The following STK40 variants were observed in gnomAD, a reference collection of about 807,000 sequenced individuals.
STK40 encodes the protein serine/threonine-protein kinase 40.
Under a neutral mutation model 47.9 loss-of-function variants are expected in STK40, and 13 were observed. The ratio of observed to expected loss-of-function variants is 0.27; its 90% CI spans 0.18 to 0.43. The LOEUF (loss-of-function observed/expected upper bound fraction) is 0.43. Among genes scored for constraint, STK40 ranks in the 20% least tolerant of loss-of-function variants. The probability of loss-of-function intolerance (pLI) is 1.00; values close to 1 mark genes in which losing one functional copy is unlikely to be tolerated. For missense variants in STK40, 460 were observed against 595.1 expected, an observed-to-expected ratio of 0.77 and a Z score of 2.36; for synonymous variants, 225 against 243.2, an observed-to-expected ratio of 0.93 and a Z score of 0.69.
intron 1 of STK40, among the ~76,000 whole-genome samples, chr1:36,374,762 C>A (rs1646977764): frequency 6.6e-6 from 1 of 152,198 alleles, no homozygotes; most frequent in African/African-American, 2.4e-5. Context: ...GTGCCTTCTG[C>A]CATGCGCAGT....
At chr1:36,378,057 T>A (rs1647006876) in intron 1 of STK40, among the ~76,000 whole-genome samples, 1 of 152,250 alleles carries the variant, frequency 6.6e-6, no homozygotes, top group Non-Finnish European at 1.5e-5. Flanking sequence ...CCACATCTGA[T>A]CTGAGCCTAG....
chr1:36,358,648 T>C (rs1646826233), intron 3 of STK40, 89 bp downstream of exon 3: 3 of 1,409,612 alleles, frequency 2.1e-6, no homozygotes, highest in Non-Finnish European at 3.0e-6. Flanking sequence ...TTGTTCACAA[T>C]GACGCAGGTG....
At position 36,358,722 on chromosome 1, in the gene STK40, C is replaced by A; in HGVS notation, c.198+15G>T. 6.2e-7 allele frequency: 1 copy of A among 1,613,844 alleles called. No homozygotes were observed. Among genetic ancestry groups the A allele is most frequent in the Non-Finnish European group, 8.5e-7 (1 of 1,179,792 alleles). On this transcript the variant is annotated intron_variant, in intron 3 of 10. Transcript: ENST00000373132. Reference sequence around the variant, plus strand: ...CCCTGTTCCTGAGGCACCCTCACCCCCATGTCTCACTTACCTTCAGCTGAT... The same window carrying A: ...CCCTGTTCCTGAGGCACCCTCACCCACATGTCTCACTTACCTTCAGCTGAT...
At chr1:36,364,295 A>G (rs1024873701) in intron 1 of STK40, among the ~76,000 whole-genome samples, 4 of 152,222 alleles carry the variant, frequency 2.6e-5, no homozygotes, top group African/African-American at 9.6e-5. Context: ...CAAGGGGGAC[A>G]TGTTTTTAAG....
Position 36,358,495 on chromosome 1 carries a change from G to A in STK40, c.199-113C>T. 3.5e-6 allele frequency: 5 copies of A among 1,408,778 alleles called. No homozygotes were observed. The South Asian group carries it at 4.0e-5, about 11-fold the overall frequency. 87.3% of individuals were successfully genotyped at this position (1,408,778 alleles called of 1,614,324 possible). ...TTACCACATGACATTTGTGCACAAT[G>A]CACACACAAACACACCAAGTGAAAT... On this transcript the variant is annotated intron_variant, in intron 3 of 10. Transcript: ENST00000373132.
At chr1:36,363,780 A>G (rs1020086996) in intron 1 of STK40, among the ~76,000 whole-genome samples, 1 of 145,982 alleles carries the variant, frequency 6.9e-6, no homozygotes, top group African/African-American at 2.6e-5. Context: ...ACACCACTGC[A>G]CTCCAGCCTG....
intron 1 of STK40, among the ~76,000 whole-genome samples, chr1:36,374,427 C>T (rs896954599): frequency 5.3e-5 from 8 of 152,316 alleles, no homozygotes; most frequent in Middle Eastern, 3.4e-3. Context: ...AGTTAGAGAC[C>T]GGTCCCCATA....
intron 1 of STK40, among the ~76,000 whole-genome samples, chr1:36,373,395 G>A (rs1056152474): frequency 6.6e-6 from 1 of 152,138 alleles, no homozygotes; most frequent in Admixed American, 6.6e-5. Context: ...ACCACTTTCT[G>A]ATGTGGATTC....
intron 1 of STK40, among the ~76,000 whole-genome samples, chr1:36,384,037 T>C (rs1647064468): frequency 1.3e-5 from 2 of 150,962 alleles, no homozygotes. Flanking sequence ...TCTTCTTTTT[T>C]TTTTTTTTTT....
At chr1:36,356,657 C>T (rs534013004) in intron 4 of STK40, among the ~76,000 whole-genome samples, 52 of 152,014 alleles carry the variant, frequency 3.4e-4, no homozygotes, top group Non-Finnish European at 6.3e-4. Flanking sequence ...AATCTCCTGA[C>T]CTCATGATCC....
At chr1:36,358,419 C>T (rs752242557) in intron 3 of STK40, 37 bp from the exon 4 acceptor site, 3 of 1,574,042 alleles carry the variant, frequency 1.9e-6, no homozygotes, top group South Asian at 1.1e-5. Context: ...AAAACCAGAA[C>T]ACCTCACTTT....
intron 1 of STK40, among the ~76,000 whole-genome samples, chr1:36,375,001 A>G (rs183712269): frequency 9.8e-5 from 15 of 152,302 alleles, no homozygotes; most frequent in African/African-American, 2.4e-4. Flanking sequence ...ATGATAGCCC[A>G]AATCAGGCAA....
At chr1:36,374,135 G>A (rs2124749513) in intron 1 of STK40, among the ~76,000 whole-genome samples, 1 of 152,384 alleles carries the variant, frequency 6.6e-6, no homozygotes, top group East Asian at 1.9e-4. Flanking sequence ...GCAGCTTGGT[G>A]ACCTAGCTCT....
chr1:36,358,653 C>T (rs183947101), intron 3 of STK40, 84 bp downstream of exon 3: 8 of 1,432,640 alleles, frequency 5.6e-6, no homozygotes, highest in South Asian at 4.7e-5. Context: ...CACAATGACG[C>T]AGGTGTGAAG....
Position 36,341,726 on chromosome 1 carries a change from A to G in STK40, c.*29T>C. 6.2e-7 allele frequency: 1 copy of G among 1,605,586 alleles called. No individual in the cohort carries two copies. The highest frequency in any genetic ancestry group is 8.5e-7 in the Non-Finnish European group (1 of 1,175,214). ...TTTGGCTGGGGCTGGAAGAAGTGGC[A>G]GCAGTGCTGGTGGCCCCGGCTGAGG... On this transcript the variant is annotated 3_prime_UTR_variant, in exon 11 of 11. Transcript: ENST00000373132.
chr1:36,367,506 A>T (rs899442909), intron 1 of STK40, among the ~76,000 whole-genome samples: 2 of 152,202 alleles, frequency 1.3e-5, no homozygotes, highest in African/African-American at 4.8e-5. Context: ...ATCTCCCAGC[A>T]AGGCAGTGAA....
At chr1:36,348,436 C>T (rs1042104289) in intron 7 of STK40, among the ~76,000 whole-genome samples, 2 of 152,342 alleles carry the variant, frequency 1.3e-5, no homozygotes, top group South Asian at 4.1e-4. Flanking sequence ...GGAAAGTCCT[C>T]CAAGCACCCT....
chr1:36,366,680 C>A (rs569425206), intron 1 of STK40, among the ~76,000 whole-genome samples: 1 of 152,282 alleles, frequency 6.6e-6, no homozygotes, highest in East Asian at 1.9e-4. Context: ...CCCAGCTACT[C>A]TGGTCTCAGG....
chr1:36,383,562 C>A (rs1289998528), intron 1 of STK40, among the ~76,000 whole-genome samples: 1 of 152,244 alleles, frequency 6.6e-6, no homozygotes, highest in Non-Finnish European at 1.5e-5. Context: ...GAAGAGTTCT[C>A]CAGCCCTTCA....
Sources: allele counts gnomAD v4.1 joint callset (sites outside exome capture counted in the v4.1 genomes callset), GRCh38; gene constraint gnomAD v4.1.1; transcripts MANE v1.5; gene names NCBI Gene and HGNC (gene_info 2026-07-23, HGNC 2026-07-21).